MARCHF1: variants seen among roughly 807,000 people sequenced by gnomAD.
The protein encoded by MARCHF1 is membrane associated ring-CH-type finger 1, also known as E3 ubiquitin-protein ligase MARCHF1.
Under a neutral mutation model 54.2 loss-of-function variants are expected in MARCHF1, and 40 were observed. The observed-to-expected ratio is 0.74, with a 90% CI of 0.57 to 0.96. MARCHF1 has a LOEUF of 0.96. Ranked by LOEUF, MARCHF1 falls within the 40% of genes least tolerant of loss-of-function variation. The pLI, the probability that MARCHF1 is intolerant of heterozygous loss-of-function variation, is 0.00. For synonymous variants in MARCHF1, 236 were observed against 236.3 expected, an observed-to-expected ratio of 1.00 and a Z score of 0.01; for missense variants, 586 against 656.5, an observed-to-expected ratio of 0.89 and a Z score of 1.17.
intron 1 of MARCHF1, among the ~76,000 whole-genome samples, chr4:164,285,820 A>T (rs1174422890): frequency 3.7e-5 from 2 of 54,744 alleles, no homozygotes; most frequent in African/African-American, 2.9e-4. Context: ...GTAGTTCTTT[A>T]AAAAAAAAAA....
chr4:164,057,685 A>G (rs1004863222), intron 2 of MARCHF1, among the ~76,000 whole-genome samples: 1 of 152,228 alleles, frequency 6.6e-6, no homozygotes, highest in Non-Finnish European at 1.5e-5. Context: ...GCAGTAAAAT[A>G]GAAAGAATCT....
chr4:163,747,936 C>A (rs1023587404), intron 4 of MARCHF1, among the ~76,000 whole-genome samples: 1 of 152,160 alleles, frequency 6.6e-6, no homozygotes, highest in African/African-American at 2.4e-5. Context: ...CAGAGAGCAG[C>A]CCCGAGAAGC....
chr4:164,289,490 ATATAT>A (rs1734233354), intron 1 of MARCHF1, among the ~76,000 whole-genome samples: 1 of 151,706 alleles, frequency 6.6e-6, no homozygotes, highest in South Asian at 2.1e-4. Context: ...TGACTTGCAA[ATATAT>A]TTTATTGATG....
intron 1 of MARCHF1, among the ~76,000 whole-genome samples, chr4:164,283,896 CAT>C (rs1734083751): frequency 1.3e-5 from 2 of 150,962 alleles, no homozygotes; most frequent in African/African-American, 2.4e-5. Flanking sequence ...TATTTATCCA[CAT>C]GAGGTTATTA....
intron 3 of MARCHF1, among the ~76,000 whole-genome samples, chr4:163,865,982 T>C (rs1750038882): frequency 6.6e-6 from 1 of 151,714 alleles, no homozygotes; most frequent in Admixed American, 6.6e-5. Context: ...CAGCTGAAAT[T>C]TCTACTAAAT....
chr4:163,745,101 CTTTTTCTTTCTTTCTTTTTTTTT>C (rs1746318197), intron 4 of MARCHF1, among the ~76,000 whole-genome samples: 2 of 150,118 alleles, frequency 1.3e-5, no homozygotes, highest in South Asian at 4.2e-4. Flanking sequence ...CTCGTTTTTT[CTTTTTCTTTCTTTCTTTTTTTTT>C]TTTTTTGAGA....
chr4:163,794,283 A>G (rs1051079056), intron 4 of MARCHF1, among the ~76,000 whole-genome samples: 4 of 152,214 alleles, frequency 2.6e-5, no homozygotes, highest in Admixed American at 6.5e-5. Flanking sequence ...TCCTATCAAT[A>G]TAATCCCTCT....
At chr4:163,889,447 C>T (rs1204036496) in intron 3 of MARCHF1, among the ~76,000 whole-genome samples, 1 of 138,778 alleles carries the variant, frequency 7.2e-6, no homozygotes, top group East Asian at 2.2e-4. Context: ...AAAGCATTTA[C>T]ACTAAATTTT....
At chr4:163,733,215 ATATATACACGTG>A (rs1424972509) in intron 4 of MARCHF1, among the ~76,000 whole-genome samples, 2 of 35,154 alleles carry the variant, frequency 5.7e-5, no homozygotes, top group African/African-American at 1.3e-4. Context: ...ATATATATAT[ATATATACACGTG>A]TATATATATA....
At chr4:164,112,329 C>T (rs1387489177) in intron 1 of MARCHF1, among the ~76,000 whole-genome samples, 1 of 151,850 alleles carries the variant, frequency 6.6e-6, no homozygotes, top group Non-Finnish European at 1.5e-5. Context: ...TACATGGCTA[C>T]AATACTAAAT....
intron 2 of MARCHF1, among the ~76,000 whole-genome samples, chr4:164,094,006 T>C: frequency 6.6e-6 from 1 of 152,130 alleles, no homozygotes. Context: ...TTAGCACATG[T>C]CCAAATTTCA....
At chr4:163,698,962 C>T (rs1468430054) in intron 5 of MARCHF1, among the ~76,000 whole-genome samples, 1 of 152,126 alleles carries the variant, frequency 6.6e-6, no homozygotes, top group East Asian at 1.9e-4. Context: ...CAGAAAACCT[C>T]CTTCAGGTGA....
intron 3 of MARCHF1, among the ~76,000 whole-genome samples, chr4:163,916,015 T>C (rs2111348722): frequency 6.6e-6 from 1 of 152,290 alleles, no homozygotes; most frequent in East Asian, 1.9e-4. Context: ...TGCCTGCCAT[T>C]AGACAGTTGG....
chr4:164,134,193 C>T (rs1756355687), intron 1 of MARCHF1, among the ~76,000 whole-genome samples: 2 of 152,150 alleles, frequency 1.3e-5, no homozygotes, highest in African/African-American at 4.8e-5. Flanking sequence ...TCTCCATTTA[C>T]CTCCAAATTG....
At position 164,064,099 on chromosome 4, in the gene MARCHF1, C is replaced by T. The variant is rs188418483; in HGVS notation, c.-248+47489G>A. On this transcript the variant is annotated intron_variant, in intron 2 of 9. Coordinates refer to ENST00000514618, the MANE Select transcript of MARCHF1 (RefSeq NM_001394959.1). ...TAGTTTGAAGTCAGGTAGTGTGATG[C>T]CTCTAGCTTTGTTCTTTTGTCTTAT... is the stretch of plus-strand genomic sequence containing the variant. Among the ~76,000 whole-genome samples, 21 of 152,248 alleles carry T rather than the reference C, an allele frequency of 1.4e-4. No individual in the cohort carries two copies. In the East Asian group the frequency reaches 3.5e-3, roughly 25 times the overall value.
At chr4:163,880,058 T>C (rs1750381859) in intron 3 of MARCHF1, among the ~76,000 whole-genome samples, 1 of 151,984 alleles carries the variant, frequency 6.6e-6, no homozygotes, top group Admixed American at 6.6e-5. Context: ...ATGATATTTA[T>C]AAATTTAACA....
intron 3 of MARCHF1, among the ~76,000 whole-genome samples, chr4:163,975,519 C>T (rs879521878): frequency 6.6e-6 from 1 of 152,072 alleles, no homozygotes; most frequent in Non-Finnish European, 1.5e-5. Context: ...CAGTTGTTAC[C>T]AGCAGAATAA....
chr4:163,616,506 C>T (rs1485193839), intron 5 of MARCHF1, among the ~76,000 whole-genome samples: 1 of 152,044 alleles, frequency 6.6e-6, no homozygotes, highest in Non-Finnish European at 1.5e-5. Context: ...TGAAAAAGTG[C>T]TCAATATCAC....
chr4:164,325,143 A>G (rs1358834531), intron 1 of MARCHF1, among the ~76,000 whole-genome samples: 2 of 151,802 alleles, frequency 1.3e-5, no homozygotes, highest in East Asian at 3.9e-4. Flanking sequence ...TATTAAATGT[A>G]TATGTGTGCA....
Sources: allele counts gnomAD v4.1 joint callset (sites outside exome capture counted in the v4.1 genomes callset), GRCh38; gene constraint gnomAD v4.1.1; transcripts MANE v1.5; gene names NCBI Gene and HGNC (gene_info 2026-07-23, HGNC 2026-07-21).